Variants in TBC1D13 observed in about 807,000 individuals in gnomAD.
TBC1D13 encodes TBC1 domain family member 13.
In TBC1D13, 40 loss-of-function variants were observed where a neutral mutation model predicts 53.6. The ratio of observed to expected loss-of-function variants is 0.75; its 90% CI spans 0.58 to 0.97. The LOEUF is 0.97. Ranked by LOEUF, TBC1D13 falls within the 50% of genes least tolerant of loss-of-function variation. TBC1D13 has a pLI of 0.00. For synonymous variants in TBC1D13, 182 were observed against 197.7 expected (o/e 0.92, Z 0.67); for missense variants, 377 against 499.4 (o/e 0.75, Z 2.34).
intron 7 of TBC1D13, among the ~76,000 whole-genome samples, chr9:128,800,367 C>CTTTTTTT (rs780656078): frequency 1.3e-4 from 14 of 106,714 alleles, no homozygotes; most frequent in South Asian, 3.5e-4. Context: ...TATCTTCCAA[C>CTTTTTTT]TTTTTTTTTT....
chr9:128,799,118 G>A (rs1829688930), intron 7 of TBC1D13, among the ~76,000 whole-genome samples: 1 of 152,202 alleles, frequency 6.6e-6, no homozygotes, highest in African/African-American at 2.4e-5. Flanking sequence ...GCTGTGCAGT[G>A]CAGATTGCGT....
chr9:128,799,639 C>G (rs1829696371), intron 7 of TBC1D13, among the ~76,000 whole-genome samples: 1 of 152,184 alleles, frequency 6.6e-6, no homozygotes, highest in Admixed American at 6.6e-5. Context: ...CCTCAGTTTC[C>G]TCATCTTGAA....
At position 128,808,408 on chromosome 9, in the gene TBC1D13, CGTGTGTGTGTGTGT is replaced by C. The variant is rs3138859; in HGVS notation, c.*564_*577del. The C allele has an allele frequency of 0.011, 1,335 of 121,792 alleles. 31 individuals are homozygous for C. The highest frequency in any genetic ancestry group is 0.047 in the African/African-American group (1,244 of 26,262). The allele number at this position is 121,792 out of a possible 1,614,324, so 7.5% of individuals were successfully genotyped here. A position where few individuals can be genotyped will look rare whatever the true frequency, so the allele number is the denominator to read the frequency against. On this transcript the variant is annotated 3_prime_UTR_variant, in exon 12 of 12. Transcript: ENST00000372648. ...GGCCCAAGTCCCCAGGCATCTTCTC[CGTGTGTGTGTGTGT>C]GTGTGTGTGTGTGTGTGTGTGTGTG...
chr9:128,802,917 T>C (rs1264886110), intron 7 of TBC1D13, among the ~76,000 whole-genome samples: 1 of 152,124 alleles, frequency 6.6e-6, no homozygotes, highest in East Asian at 1.9e-4. Flanking sequence ...ACATTTTTTG[T>C]AGAGACGGGA....
chr9:128,807,123 G>A (rs1438109135), intron 11 of TBC1D13, among the ~76,000 whole-genome samples: 2 of 146,752 alleles, frequency 1.4e-5, no homozygotes, highest in Admixed American at 6.8e-5. Flanking sequence ...GTCTCGCTCT[G>A]TTGTCCAGGC....
At chr9:128,791,734 T>C in intron 5 of TBC1D13, 41 bp downstream of exon 5, 1 of 1,586,234 alleles carries the variant, frequency 6.3e-7, no homozygotes, top group Non-Finnish European at 8.7e-7. Flanking sequence ...ATACAGAATG[T>C]GGAGGGGTGG....
intron 7 of TBC1D13, among the ~76,000 whole-genome samples, chr9:128,799,847 C>T (rs1391062034): frequency 6.6e-6 from 1 of 152,046 alleles, no homozygotes; most frequent in Non-Finnish European, 1.5e-5. Flanking sequence ...TGGTGAAACC[C>T]CGTCTCTACT....
At chr9:128,791,885 G>C (rs1465890242) in intron 5 of TBC1D13, among the ~76,000 whole-genome samples, 192 bp downstream of exon 5, 8 of 152,172 alleles carry the variant, frequency 5.3e-5, no homozygotes, top group African/African-American at 1.9e-4. Context: ...ACAAACGATA[G>C]TTGGGGTCCA....
In TBC1D13 at chr9:128,808,467, G is replaced by GTGTGTGTGTGTGTGTGTGTGTGT; in HGVS notation, c.*588_*589insTGTGTGTGTGTGTGTGTGTGTGT. 1 of 161,196 alleles carries GTGTGTGTGTGTGTGTGTGTGTGT rather than the reference G, an allele frequency of 6.2e-6. No individual in the cohort carries two copies. Among genetic ancestry groups the GTGTGTGTGTGTGTGTGTGTGTGT allele is most frequent in the Admixed American group, 6.1e-5 (1 of 16,476 alleles). The allele number at this position is 161,196 out of a possible 1,614,324, so 10.0% of individuals were successfully genotyped here. On this transcript the variant is annotated 3_prime_UTR_variant, in exon 12 of 12. Transcript: ENST00000372648. ...TGTGTGTGTGTGTGTTAGGGAGTGA[G>GTGTGTGTGTGTGTGTGTGTGTGT]GGTCTCTCAGGCCTCCAGGTCTCCC... is the stretch of plus-strand genomic sequence containing the variant.
chr9:128,795,872 T>C (rs1269660146), intron 6 of TBC1D13, among the ~76,000 whole-genome samples: 1 of 151,918 alleles, frequency 6.6e-6, no homozygotes, highest in Non-Finnish European at 1.5e-5. Context: ...GGGATTACAG[T>C]GGTGAGCCAC....
intron 9 of TBC1D13, among the ~76,000 whole-genome samples, 154 bp from the exon 10 acceptor site, chr9:128,805,705 C>G (rs1299135764): frequency 6.6e-6 from 1 of 152,220 alleles, no homozygotes; most frequent in African/African-American, 2.4e-5. Flanking sequence ...CTTTACCAGG[C>G]AAGGCTGTCC....
intron 8 of TBC1D13, 77 bp downstream of exon 8, chr9:128,803,537 C>T: frequency 7.3e-7 from 1 of 1,375,200 alleles, no homozygotes; most frequent in Non-Finnish European, 1.0e-6. Context: ...CCTCTCGGGC[C>T]TCTGTTCTCC....
At position 128,787,286 on chromosome 9, in the gene TBC1D13, G is replaced by T; in HGVS notation, c.-68G>T. The T allele has an allele frequency of 8.0e-7, 1 of 1,252,210 alleles. No individual in the cohort carries two copies. 77.6% of individuals were successfully genotyped at this position (1,252,210 alleles called of 1,614,324 possible). A position where few individuals can be genotyped will look rare whatever the true frequency, so the allele number is the denominator to read the frequency against. On this transcript the variant is annotated 5_prime_UTR_variant, in exon 1 of 12. Transcript: ENST00000372648. ...CCCCGCGTCCCTGGGGGGCGGCGGC[G>T]GCGGCGGCAGCGCAGGCGGCAGAGG... is the stretch of plus-strand genomic sequence containing the variant.
At chr9:128,797,479 T>C (rs546859536) in intron 7 of TBC1D13, among the ~76,000 whole-genome samples, 3 of 152,246 alleles carry the variant, frequency 2.0e-5, no homozygotes, top group Admixed American at 6.5e-5. Context: ...ATAGTGGGGA[T>C]GGCTCTGAGA....
chr9:128,787,721 C>T (rs549975184), intron 1 of TBC1D13, among the ~76,000 whole-genome samples: 7 of 150,918 alleles, frequency 4.6e-5, no homozygotes, highest in Non-Finnish European at 8.9e-5. Context: ...CCCTGTCCCC[C>T]GTGCCTTTTT....
chr9:128,789,539 A>G lies in TBC1D13; in HGVS notation c.97+1132A>G, dbSNP rs1384717278. ...GTCAGTGTTAGTAGTTAAGAGTTTT[A>G]CAGATAAGTTTCCTTCTTACGACAA... On this transcript the variant is annotated intron_variant, in intron 2 of 11. Transcript: ENST00000372648. Among the ~76,000 whole-genome samples, 5 of 151,984 alleles carry G rather than the reference A, an allele frequency of 3.3e-5. No homozygotes were observed. The East Asian group carries it at 9.6e-4, about 29-fold the overall frequency.
chr9:128,787,506 C>T, intron 1 of TBC1D13, 130 bp downstream of exon 1: 1 of 965,366 alleles, frequency 1.0e-6, no homozygotes, highest in Non-Finnish European at 1.4e-6. Context: ...CTCGAGCGTC[C>T]ACCTTCTAAC....
Position 128,800,801 on chromosome 9 carries a change from T to G in TBC1D13, c.544-2449T>G, listed in dbSNP as rs375009339. 1.7e-4 allele frequency among the ~76,000 whole-genome samples: 26 copies of G among 152,296 alleles called. No homozygotes were observed. In the East Asian group the frequency reaches 2.3e-3, roughly 14 times the overall value. ...GCTTTATTTGTGTGTGTATTATATA[T>G]AGAGAGAGTAAGTTGCAGGTGTCTG... On this transcript the variant is annotated intron_variant, in intron 7 of 11. Coordinates refer to ENST00000372648, the MANE Select transcript of TBC1D13 (RefSeq NM_018201.5).
Position 128,802,026 on chromosome 9 carries a change from G to A in TBC1D13, c.544-1224G>A, listed in dbSNP as rs528711839. On this transcript the variant is annotated intron_variant, in intron 7 of 11. Transcript: ENST00000372648. ...TCTGCCCACCTCAGCCTCCCAAAGT[G>A]CTGGGATTACAGGCGTGAGCCACCG... 9.5e-3 allele frequency among the ~76,000 whole-genome samples: 1,405 copies of A among 148,258 alleles called. 94 individuals are homozygous for A. Among genetic ancestry groups the A allele is most frequent in the Non-Finnish European group, 0.014 (913 of 66,740 alleles).
Sources: allele counts gnomAD v4.1 joint callset (sites outside exome capture counted in the v4.1 genomes callset), GRCh38; gene constraint gnomAD v4.1.1; transcripts MANE v1.5; gene names NCBI Gene and HGNC (gene_info 2026-07-23, HGNC 2026-07-21).